The following MFN2 variants were observed in gnomAD, a reference collection of about 807,000 sequenced individuals.
The protein encoded by MFN2 is mitofusin-2.
In MFN2, 43 loss-of-function variants were observed where a neutral mutation model predicts 87.5. The observed-to-expected ratio is 0.49, with a 90% CI of 0.38 to 0.63. The LOEUF (loss-of-function observed/expected upper bound fraction) is 0.63, where lower values mean the gene tolerates loss of function less well. Among genes scored for constraint, MFN2 ranks in the 30% least tolerant of loss-of-function variants. The pLI is 0.00. For missense variants in MFN2, 743 were observed against 972.8 expected (o/e 0.76, Z 3.14); for synonymous variants, 337 against 359.9 (o/e 0.94, Z 0.72).
chr1:11,980,578 C>T, intron 1 of MFN2, 94 bp downstream of exon 1: 1 of 397,150 alleles, frequency 2.5e-6, no homozygotes, highest in Non-Finnish European at 4.4e-6. Context: ...GATTCTGGGG[C>T]CACGGGGGTC....
At chr1:12,002,202 G>T in intron 11 of MFN2, 99 bp downstream of exon 11, 1 of 1,586,548 alleles carries the variant, frequency 6.3e-7, no homozygotes. Context: ...TGGCAGGGCT[G>T]AGTCTCTGGG....
Position 12,007,034 on chromosome 1 carries a change from C to T in MFN2, c.1873-19C>T, listed in dbSNP as rs913333628. The T allele has an allele frequency of 3.1e-6, 5 of 1,612,788 alleles. No individual in the cohort carries two copies. The highest frequency in any genetic ancestry group is 2.2e-5 in the South Asian group (2 of 91,028). On this transcript the variant is annotated intron_variant, in intron 16 of 18. Coordinates refer to ENST00000235329, the MANE Select transcript of MFN2 (RefSeq NM_014874.4). ...GGCCACAGAGAGGCTGCACTCCAGG[C>T]TGACCATGTGCTCTGCAGGTGTGGA...
At chr1:12,010,740 G>A (rs1026975129) in intron 18 of MFN2, among the ~76,000 whole-genome samples, 1 of 152,196 alleles carries the variant, frequency 6.6e-6, no homozygotes, top group African/African-American at 2.4e-5. Context: ...TCTGTAAAAT[G>A]GGAGTAAGAT....
chr1:12,009,071 G>A (rs975992634), intron 17 of MFN2, among the ~76,000 whole-genome samples: 2 of 152,188 alleles, frequency 1.3e-5, no homozygotes, highest in Non-Finnish European at 2.9e-5. Flanking sequence ...GTGGCGGCGC[G>A]CGCCTGCAGT....
At chr1:11,984,272 T>C (rs1638292516) in intron 2 of MFN2, among the ~76,000 whole-genome samples, 1 of 152,134 alleles carries the variant, frequency 6.6e-6, no homozygotes, top group South Asian at 2.1e-4. Context: ...AGCTGACCTG[T>C]TTATTTGATC....
At position 11,998,882 on chromosome 1, in the gene MFN2, ACTC is replaced by A. The variant is rs863224842; in HGVS notation, c.708+11_708+13del. On this transcript the variant is annotated splice_donor_5th_base_variant and intron_variant, in intron 7 of 18. Transcript: ENST00000235329. ...AGAGTCCACCCTGATGCAGACGGTA[ACTC>A]CTCCTCTGCCTTCTCCCAAGCTCCC... The A allele has an allele frequency of 4.5e-5, 72 of 1,613,598 alleles. No individual in the cohort carries two copies. The highest frequency in any genetic ancestry group is 5.8e-5 in the Non-Finnish European group (68 of 1,179,882).
chr1:12,005,678 G>T, intron 14 of MFN2, 33 bp from the exon 15 acceptor site: 2 of 1,603,542 alleles, frequency 1.2e-6, no homozygotes, highest in Non-Finnish European at 1.7e-6. Flanking sequence ...GGGCTGAGCT[G>T]ATAAGCTTTT....
intron 2 of MFN2, among the ~76,000 whole-genome samples, chr1:11,984,327 C>G (rs1280892960): frequency 1.3e-5 from 2 of 152,076 alleles, no homozygotes. Context: ...TGTGAGTTGG[C>G]GGAGTTGCCT....
rs188673454 is a variant in MFN2, at chr1:11,990,863, T to A, written c.175+1520T>A. On this transcript the variant is annotated intron_variant, in intron 3 of 18. Transcript: ENST00000235329. Reference sequence around the variant, plus strand: ...ATGCATCTGGGGCAGAGGTGACCGGTGGACATAGCGGGAGGGGAGATGGGG... The same window carrying A: ...ATGCATCTGGGGCAGAGGTGACCGGAGGACATAGCGGGAGGGGAGATGGGG... Among the ~76,000 whole-genome samples, 75 of 152,290 alleles carry A rather than the reference T, an allele frequency of 4.9e-4. 1 individual carries two copies. Among genetic ancestry groups the A allele is most frequent in the Admixed American group, 9.2e-4 (14 of 15,290 alleles).
intron 8 of MFN2, 38 bp downstream of exon 8, chr1:11,999,133 C>A: frequency 6.4e-7 from 1 of 1,568,874 alleles, no homozygotes; most frequent in East Asian, 2.2e-5. Context: ...GAATGCAACC[C>A]CGAGGGAGCA....
At chr1:11,982,303 G>A (rs1251868745) in intron 2 of MFN2, among the ~76,000 whole-genome samples, 189 bp downstream of exon 2, 2 of 152,104 alleles carry the variant, frequency 1.3e-5, no homozygotes, top group Admixed American at 1.3e-4. Flanking sequence ...TGCTTAGAGA[G>A]CCTGTTTAAA....
Position 11,999,053 on chromosome 1 carries a change from C to T in MFN2, c.774C>T (p.Asn258=), listed in dbSNP as rs1639058739. The T allele has an allele frequency of 1.2e-6, 2 of 1,614,104 alleles. No individual in the cohort carries two copies. Among genetic ancestry groups the T allele is most frequent in the Non-Finnish European group, 1.7e-6 (2 of 1,180,042 alleles). ...GGCCAAACATCTTCATCCTGAACAA[C>T]CGCTGGGATGCATCTGCCTCAGAGC... is the stretch of plus-strand genomic sequence containing the variant. ...LSRPNIFILN[N]RWDASASEPE... The change falls in exon 8 of 19, where the codon AAC becomes AAT. Residue 258 remains asparagine, a synonymous_variant. Transcript: ENST00000235329.
intron 8 of MFN2, among the ~76,000 whole-genome samples, chr1:11,999,676 G>A (rs1263400051): frequency 6.6e-6 from 1 of 151,786 alleles, no homozygotes; most frequent in Non-Finnish European, 1.5e-5. Context: ...CTTTAAATAT[G>A]TGAAATGAAA....
chr1:11,995,127 T>C (rs148879706), intron 4 of MFN2, among the ~76,000 whole-genome samples: 22 of 152,144 alleles, frequency 1.4e-4, no homozygotes, highest in African/African-American at 5.1e-4. Flanking sequence ...AGTCTATATA[T>C]AGGTGGTACC....
intron 5 of MFN2, 37 bp from the exon 6 acceptor site, chr1:11,997,260 C>A: frequency 6.2e-7 from 1 of 1,613,272 alleles, no homozygotes; most frequent in Non-Finnish European, 8.5e-7. Context: ...CCTGGTGGTT[C>A]CTCCTCAGCC....
intron 1 of MFN2, among the ~76,000 whole-genome samples, chr1:11,980,790 A>G (rs1296057562): frequency 6.6e-6 from 1 of 152,202 alleles, no homozygotes; most frequent in Admixed American, 6.5e-5. Context: ...TCATTTTGCC[A>G]GCATTTACTC....
intron 2 of MFN2, among the ~76,000 whole-genome samples, chr1:11,988,084 T>G (rs72641021): frequency 7.4e-4 from 107 of 144,328 alleles, no homozygotes; most frequent in East Asian, 6.0e-3. Flanking sequence ...CCAATAGTTT[T>G]TGTGTGTGTG....
intron 15 of MFN2, 59 bp downstream of exon 15, chr1:12,005,990 A>G: frequency 1.3e-6 from 2 of 1,529,260 alleles, no homozygotes; most frequent in East Asian, 2.3e-5. Context: ...CCCTGCCTCC[A>G]GACACGGGAA....
intron 4 of MFN2, among the ~76,000 whole-genome samples, chr1:11,993,241 T>G (rs1436637648): frequency 6.6e-6 from 1 of 152,062 alleles, no homozygotes; most frequent in African/African-American, 2.4e-5. Flanking sequence ...AGTATTTGTT[T>G]TTTTTTCTCC....
Sources: allele counts gnomAD v4.1 joint callset (sites outside exome capture counted in the v4.1 genomes callset), GRCh38; gene constraint gnomAD v4.1.1; transcripts MANE v1.5; gene names NCBI Gene and HGNC (gene_info 2026-07-23, HGNC 2026-07-21).